The following MAGI1 variants were observed in gnomAD, a reference collection of about 807,000 sequenced individuals.
MAGI1 encodes the protein membrane-associated guanylate kinase, WW and PDZ domain-containing protein 1.
A neutral mutation model predicts 139.9 loss-of-function variants in MAGI1; 58 were observed. That is an observed-to-expected ratio of 0.41 (90% CI 0.34 to 0.52). The LOEUF is 0.52. Ranked by LOEUF, MAGI1 falls within the 20% of genes least tolerant of loss-of-function variation. The pLI is 0.12. For missense variants in MAGI1, 1,874 were observed against 1,901.6 expected (o/e 0.99, Z 0.27); for synonymous variants, 812 against 737.9 (o/e 1.10, Z -1.63).
At chr3:65,359,051 T>C (rs1159212843) in intron 22 of MAGI1, 7 of 1,611,298 alleles carry the variant, frequency 4.3e-6, no homozygotes, top group Middle Eastern at 1.6e-4. Flanking sequence ...CTAGTATTGA[T>C]TGAGCTACAA....
intron 1 of MAGI1, among the ~76,000 whole-genome samples, chr3:65,910,086 G>A (rs533377219): frequency 3.9e-5 from 6 of 152,146 alleles, no homozygotes; most frequent in South Asian, 4.1e-4. Context: ...TCTGCTGTTC[G>A]GCTCAGTTCC....
At chr3:65,852,200 A>G (rs181057162) in intron 1 of MAGI1, among the ~76,000 whole-genome samples, 5 of 152,246 alleles carry the variant, frequency 3.3e-5, no homozygotes, top group African/African-American at 7.2e-5. Context: ...TAAGGAAGAA[A>G]TCCTTGCCAA....
intron 1 of MAGI1, among the ~76,000 whole-genome samples, chr3:65,826,599 T>G (rs764175789): frequency 8.5e-5 from 13 of 152,316 alleles, no homozygotes; most frequent in Non-Finnish European, 1.8e-4. Context: ...CCTTCATCAT[T>G]CAACAATTGG....
rs1553742308 is a variant in MAGI1, at chr3:65,979,096, C to CA, written c.313+58899_313+58900insT. 7.3e-4 allele frequency among the ~76,000 whole-genome samples: 44 copies of CA among 60,462 alleles called. 1 individual carries two copies. Among genetic ancestry groups the CA allele is most frequent in the East Asian group, 2.0e-3 (3 of 1,536 alleles). The allele number at this position is 60,462 out of a possible 152,430, so 39.7% of individuals were successfully genotyped here. A position where few individuals can be genotyped will look rare whatever the true frequency, so the allele number is the denominator to read the frequency against. On this transcript the variant is annotated intron_variant, in intron 1 of 22. Coordinates refer to ENST00000402939, the MANE Select transcript of MAGI1 (RefSeq NM_001033057.2). ...AAGTTTTTTTCTTTTCTTCCCCCCC[C>CA]CCGCCACCCCCCACAGCTACTCACA...
intron 5 of MAGI1, among the ~76,000 whole-genome samples, chr3:65,463,062 C>T (rs1165969698): frequency 6.6e-6 from 1 of 152,178 alleles, no homozygotes; most frequent in African/African-American, 2.4e-5. Context: ...ATGTCATCTG[C>T]AAACAGAGAT....
intron 1 of MAGI1, among the ~76,000 whole-genome samples, chr3:65,971,465 A>T (rs1055811812): frequency 1.3e-5 from 2 of 152,272 alleles, no homozygotes; most frequent in South Asian, 2.1e-4. Context: ...TTCAGGCCTC[A>T]ACATTCTCGT....
chr3:65,947,467 C>T (rs2106904891), intron 1 of MAGI1, among the ~76,000 whole-genome samples: 1 of 152,136 alleles, frequency 6.6e-6, no homozygotes. Flanking sequence ...GGGATGAAAA[C>T]TCCTATATTT....
At chr3:65,996,102 C>A (rs140961005) in intron 1 of MAGI1, among the ~76,000 whole-genome samples, 2 of 152,132 alleles carry the variant, frequency 1.3e-5, no homozygotes, top group East Asian at 3.8e-4. Context: ...TTGGAATCTA[C>A]GACCCACCAT....
Position 65,985,609 on chromosome 3 carries a change from T to C in MAGI1, c.313+52387A>G, listed in dbSNP as rs530412314. Among the ~76,000 whole-genome samples, 5 of 152,356 alleles carry C rather than the reference T, an allele frequency of 3.3e-5. No homozygotes were observed. In the East Asian group the frequency reaches 5.8e-4, roughly 18 times the overall value. On this transcript the variant is annotated intron_variant, in intron 1 of 22. Transcript: ENST00000402939. ...TTAAGTGGAAATCTCTCGTCTTTTTTTCCCCTGGTACTTTGAAAACTTAAA... is the reference window on the plus strand; with the variant it reads ...TTAAGTGGAAATCTCTCGTCTTTTTCTCCCCTGGTACTTTGAAAACTTAAA...
chr3:65,928,802 A>AGGGTG (rs2062650309), intron 1 of MAGI1, among the ~76,000 whole-genome samples: 1 of 152,160 alleles, frequency 6.6e-6, no homozygotes. Context: ...AAGGAAAACC[A>AGGGTG]CACCTTGCAG....
chr3:65,590,345 T>C (rs972817094), intron 2 of MAGI1, among the ~76,000 whole-genome samples: 5 of 152,170 alleles, frequency 3.3e-5, no homozygotes, highest in African/African-American at 1.2e-4. Context: ...ATAAACATAT[T>C]TGGGTCATAA....
intron 1 of MAGI1, among the ~76,000 whole-genome samples, chr3:65,950,714 C>T (rs193169141): frequency 1.3e-5 from 2 of 152,150 alleles, no homozygotes; most frequent in East Asian, 1.9e-4. Context: ...TGCTACCCCC[C>T]ACTGGTCGGC....
intron 1 of MAGI1, among the ~76,000 whole-genome samples, chr3:65,969,384 T>C (rs1184912426): frequency 1.3e-5 from 2 of 152,220 alleles, no homozygotes; most frequent in Non-Finnish European, 2.9e-5. Context: ...CATTGTAGAA[T>C]GTTTATCAGC....
chr3:65,400,622 A>G (rs1235499643), intron 13 of MAGI1, among the ~76,000 whole-genome samples: 1 of 152,104 alleles, frequency 6.6e-6, no homozygotes, highest in Non-Finnish European at 1.5e-5. Flanking sequence ...TTAATTTGTC[A>G]TTAGTGCCCC....
chr3:65,600,654 A>G (rs1383357447), intron 2 of MAGI1, among the ~76,000 whole-genome samples: 2 of 152,212 alleles, frequency 1.3e-5, no homozygotes, highest in Admixed American at 6.5e-5. Context: ...TATAGAGCCA[A>G]GGGCAAGCTA....
At chr3:65,647,945 T>G (rs113071248) in intron 1 of MAGI1, among the ~76,000 whole-genome samples, 4,590 of 152,230 alleles carry the variant, frequency 0.03, 97 homozygotes, top group Middle Eastern at 0.065. Flanking sequence ...GGCCAAAGTG[T>G]TGGCAAAAAA....
intron 2 of MAGI1, among the ~76,000 whole-genome samples, chr3:65,493,895 A>G (rs1363850078): frequency 6.6e-6 from 1 of 152,228 alleles, no homozygotes; most frequent in East Asian, 1.9e-4. Flanking sequence ...AGAGAGTTTT[A>G]TACCATTTTT....
rs1005498219 is a variant in MAGI1, at chr3:66,038,544, C to T, written c.-236G>A. 1 of 515,346 alleles carries T rather than the reference C, an allele frequency of 1.9e-6. No individual in the cohort carries two copies. The highest frequency in any genetic ancestry group is 3.2e-6 in the Non-Finnish European group (1 of 309,266). 31.9% of individuals were successfully genotyped at this position (515,346 alleles called of 1,614,324 possible). On this transcript the variant is annotated 5_prime_UTR_variant, in exon 1 of 23. The change abolishes an upstream ATG in the 5' untranslated region. Transcript: ENST00000402939. ...CACAGGCGCCCGCGAGCTTTGTTTG[C>T]ATTCCGGTGCCTCTGGGTCCACGTT...
At position 65,919,779 on chromosome 3, in the gene MAGI1, G is replaced by A. The variant is rs539686677; in HGVS notation, c.313+118217C>T. Among the ~76,000 whole-genome samples the A allele has an allele frequency of 1.3e-4, 20 of 151,752 alleles. 1 individual carries two copies. The South Asian group carries it at 3.3e-3, about 25-fold the overall frequency. On this transcript the variant is annotated intron_variant, in intron 1 of 22. Coordinates refer to ENST00000402939, the MANE Select transcript of MAGI1 (RefSeq NM_001033057.2). ...TTTGTTAACAGTGACCATTATACAC[G>A]GCTGGAATAATTTCTCTCATACAGT...
Sources: gnomAD v4.1 joint callset for allele counts (sites outside exome capture counted in the v4.1 genomes callset) on GRCh38, gnomAD v4.1.1 for gene constraint, MANE v1.5 for transcripts, NCBI Gene and HGNC (gene_info 2026-07-23, HGNC 2026-07-21) for gene names.